OTUD7A: variants seen among roughly 807,000 people sequenced by gnomAD.
OTUD7A encodes the protein OTU domain-containing protein 7A.
OTUD7A carries 12 observed loss-of-function variants against 65.7 expected under a neutral mutation model. That is an observed-to-expected ratio of 0.18 (90% CI 0.12 to 0.30). The LOEUF (loss-of-function observed/expected upper bound fraction) is 0.30. Ranked by LOEUF, OTUD7A falls within the 10% of genes least tolerant of loss-of-function variation. OTUD7A has a pLI of 1.00. For missense variants in OTUD7A, 1,148 were observed against 1,304.8 expected, an observed-to-expected ratio of 0.88 and a Z score of 1.85; for synonymous variants, 641 against 586.3, an observed-to-expected ratio of 1.09 and a Z score of -1.35.
chr15:31,644,537 G>A (rs1891608239), intron 3 of OTUD7A, among the ~76,000 whole-genome samples: 2 of 152,176 alleles, frequency 1.3e-5, no homozygotes, highest in African/African-American at 4.8e-5. Context: ...AGTCAGCAGT[G>A]TGATCATAGC....
rs190412265 is a variant in OTUD7A, at chr15:31,758,866, C to T, written c.-99-101789G>A. On this transcript the variant is annotated intron_variant, in intron 1 of 12. Coordinates refer to ENST00000307050, the MANE Select transcript of OTUD7A (RefSeq NM_001382637.1). ...AAAAACTGGGGAGCTTTTTTAATGTCCTGATTTAGCCTGGGCTTCAACCAC... is the reference window on the plus strand; with the variant it reads ...AAAAACTGGGGAGCTTTTTTAATGTTCTGATTTAGCCTGGGCTTCAACCAC... Among the ~76,000 whole-genome samples the T allele has an allele frequency of 1.5e-3, 222 of 147,232 alleles. 1 individual carries two copies. The highest frequency in any genetic ancestry group is 5.7e-3 in the African/African-American group (210 of 36,772).
intron 1 of OTUD7A, among the ~76,000 whole-genome samples, chr15:31,681,125 T>C (rs1223250201): frequency 2.0e-5 from 3 of 151,384 alleles, no homozygotes; most frequent in Non-Finnish European, 2.9e-5. Flanking sequence ...TTGATATATA[T>C]TTTTTCCTGT....
chr15:31,771,843 C>G (rs913030217), intron 1 of OTUD7A, among the ~76,000 whole-genome samples: 1 of 152,138 alleles, frequency 6.6e-6, no homozygotes, highest in Non-Finnish European at 1.5e-5. Flanking sequence ...CTGCCAAACT[C>G]CTTCCTGACT....
intron 1 of OTUD7A, among the ~76,000 whole-genome samples, chr15:31,802,135 G>GTATATATATATA (rs1434073127): frequency 4.0e-4 from 50 of 123,966 alleles, no homozygotes; most frequent in African/African-American, 1.5e-3. Flanking sequence ...GTGTGTGTGT[G>GTATATATATATA]TGTGTGTATA....
At chr15:31,627,090 T>TTTA (rs897663501) in intron 3 of OTUD7A, among the ~76,000 whole-genome samples, 34 of 151,916 alleles carry the variant, frequency 2.2e-4, no homozygotes, top group South Asian at 1.9e-3. Flanking sequence ...GGCAACTTCT[T>TTTA]TTATTATTAT....
intron 1 of OTUD7A, among the ~76,000 whole-genome samples, chr15:31,769,618 A>C (rs976124757): frequency 6.6e-6 from 1 of 152,234 alleles, no homozygotes; most frequent in African/African-American, 2.4e-5. Flanking sequence ...ACAATGACAT[A>C]CTTTTCAGCA....
chr15:31,690,897 C>T (rs748867479), intron 1 of OTUD7A, among the ~76,000 whole-genome samples: 10 of 152,032 alleles, frequency 6.6e-5, no homozygotes, highest in East Asian at 3.8e-4. Context: ...TATGACACCA[C>T]CAAAAGAACA....
At chr15:31,586,115 C>T (rs530151013) in intron 3 of OTUD7A, among the ~76,000 whole-genome samples, 135 of 152,268 alleles carry the variant, frequency 8.9e-4, no homozygotes, top group African/African-American at 3.0e-3. Flanking sequence ...TACTATTAAC[C>T]CTTCCTATTA....
intron 1 of OTUD7A, chr15:31,768,257 G>A: frequency 1.3e-6 from 1 of 786,974 alleles, no homozygotes. Context: ...TCAAGACCCA[G>A]CAGCCCGGGC....
chr15:31,837,021 T>C (rs1454790075), intron 1 of OTUD7A, among the ~76,000 whole-genome samples: 1 of 152,020 alleles, frequency 6.6e-6, no homozygotes, highest in East Asian at 1.9e-4. Flanking sequence ...ATGAAACACA[T>C]AATGATTCAT....
intron 5 of OTUD7A, among the ~76,000 whole-genome samples, chr15:31,547,381 T>C (rs1888165000): frequency 6.6e-6 from 1 of 152,232 alleles, no homozygotes; most frequent in Admixed American, 6.5e-5. Context: ...CCAGAATTGT[T>C]GAACAGGCTG....
intron 1 of OTUD7A, chr15:31,767,645 A>T: frequency 2.6e-6 from 2 of 763,718 alleles, no homozygotes; most frequent in Non-Finnish European, 4.9e-6. Flanking sequence ...ATATCTCCAA[A>T]CTTCTTCAAC....
At chr15:31,500,170 C>T (rs916941656) in intron 10 of OTUD7A, among the ~76,000 whole-genome samples, 19 of 152,222 alleles carry the variant, frequency 1.2e-4, no homozygotes, top group Non-Finnish European at 1.5e-4. Flanking sequence ...TTCTGGTCTC[C>T]CAAGAGGCGG....
chr15:31,632,942 C>T (rs558832582), intron 3 of OTUD7A, among the ~76,000 whole-genome samples: 2 of 152,340 alleles, frequency 1.3e-5, no homozygotes, highest in African/African-American at 4.8e-5. Flanking sequence ...GATATAATCT[C>T]CTGGTGTGCC....
intron 10 of OTUD7A, among the ~76,000 whole-genome samples, chr15:31,497,959 C>T (rs975840871): frequency 1.3e-5 from 2 of 152,186 alleles, no homozygotes; most frequent in Admixed American, 6.5e-5. Context: ...AGGTGGGGTG[C>T]AGACCTAGGC....
chr15:31,763,629 C>T (rs772930229), intron 1 of OTUD7A, among the ~76,000 whole-genome samples: 4 of 152,046 alleles, frequency 2.6e-5, no homozygotes, highest in Admixed American at 1.3e-4. Context: ...ATTTGACAAA[C>T]GGTGGCTGAA....
At position 31,620,388 on chromosome 15, in the gene OTUD7A, G is replaced by A. The variant is rs903655694; in HGVS notation, c.151+34708C>T. Among the ~76,000 whole-genome samples, 29 of 152,042 alleles carry A rather than the reference G, an allele frequency of 1.9e-4. 1 individual carries two copies. Among genetic ancestry groups the A allele is most frequent in the African/African-American group, 5.8e-4 (24 of 41,372 alleles). ...TCTGGTAGAATTCGGCTGTGAATCT[G>A]TCTGGTCCTGGACTTTTTTTGGTTG... is the stretch of plus-strand genomic sequence containing the variant. On this transcript the variant is annotated intron_variant, in intron 3 of 12. Coordinates refer to ENST00000307050, the MANE Select transcript of OTUD7A (RefSeq NM_001382637.1).
intron 3 of OTUD7A, among the ~76,000 whole-genome samples, chr15:31,587,674 T>C (rs1323216459): frequency 6.6e-6 from 1 of 151,602 alleles, no homozygotes; most frequent in Non-Finnish European, 1.5e-5. Flanking sequence ...AATCTTATCA[T>C]GTTCCTCTCC....
At chr15:31,734,516 T>C (rs1595734634) in intron 1 of OTUD7A, among the ~76,000 whole-genome samples, 1 of 152,178 alleles carries the variant, frequency 6.6e-6, no homozygotes, top group African/African-American at 2.4e-5. Flanking sequence ...ATTACAGGGC[T>C]ACGGTAGCCA....
Sources: gnomAD v4.1 joint callset for allele counts (sites outside exome capture counted in the v4.1 genomes callset) on GRCh38, gnomAD v4.1.1 for gene constraint, MANE v1.5 for transcripts, NCBI Gene and HGNC (gene_info 2026-07-23, HGNC 2026-07-21) for gene names.